Variants in PPP2R1B observed in about 807,000 individuals in gnomAD.
The protein encoded by PPP2R1B is serine/threonine-protein phosphatase 2A 65 kDa regulatory subunit A beta isoform.
In PPP2R1B, 58 loss-of-function variants were observed where a neutral mutation model predicts 72.7. The ratio of observed to expected loss-of-function variants is 0.80; its 90% CI spans 0.65 to 0.99. PPP2R1B has a LOEUF of 0.99. Among genes scored for constraint, PPP2R1B ranks in the 50% least tolerant of loss-of-function variants. The probability of loss-of-function intolerance (pLI) is 0.00; values close to 1 mark genes in which losing one functional copy is unlikely to be tolerated. For missense variants in PPP2R1B, 695 were observed against 733.6 expected (o/e 0.95, Z 0.61); for synonymous variants, 256 against 264.6 (o/e 0.97, Z 0.32).
chr11:111,722,631 T>C, downstream of PPP2R1B: 2 of 1,592,084 alleles, frequency 1.3e-6, no homozygotes, highest in Non-Finnish European at 1.7e-6. The surrounding 1 kb of genome is among the most constrained non-coding windows in gnomAD (Gnocchi z 4.4). Flanking sequence ...TGACAGCACA[T>C]TGTCACGCTC....
At position 111,739,065 on chromosome 11, in the gene PPP2R1B, C is replaced by A; in HGVS notation, c.*2531G>T. On this transcript the variant is annotated 3_prime_UTR_variant, in exon 15 of 15. Transcript: ENST00000527614. Reference sequence around the variant, plus strand: ...GGGACCAGAAAAGGGCCACATAAAGCTTGTTTCCTGAAAGCAGGAAAATCT... The same window carrying A: ...GGGACCAGAAAAGGGCCACATAAAGATTGTTTCCTGAAAGCAGGAAAATCT... The A allele has an allele frequency of 1.0e-6, 1 of 985,416 alleles. No individual in the cohort carries two copies. Among genetic ancestry groups the A allele is most frequent in the Non-Finnish European group, 1.2e-6 (1 of 829,930 alleles). 61.0% of individuals were successfully genotyped at this position (985,416 alleles called of 1,614,324 possible).
intron 15 of PPP2R1B, chr11:111,730,759 T>C (rs1240801401): frequency 1.3e-5 from 2 of 152,170 alleles, no homozygotes; most frequent in African/African-American, 4.8e-5. Flanking sequence ...CTGTACCAAA[T>C]AGTAATTTAA....
At chr11:111,700,896 T>C in the PPP2R1B span, 20 of 1,613,888 alleles carry the variant, frequency 1.2e-5, no homozygotes, top group East Asian at 2.2e-5. Context: ...ATTTCGGTTT[T>C]GGAAATTTCT....
At chr11:111,699,380 A>G in the PPP2R1B span, among the ~76,000 whole-genome samples, 3 of 152,168 alleles carry the variant, frequency 2.0e-5, no homozygotes, top group Non-Finnish European at 4.4e-5. Context: ...GTTGGTGGTA[A>G]TGGTTTCACA....
the PPP2R1B span, among the ~76,000 whole-genome samples, chr11:111,709,429 A>G: frequency 2.8e-4 from 42 of 152,352 alleles, no homozygotes; most frequent in South Asian, 7.5e-3. Context: ...GCCTATTGGA[A>G]TAGCAACGAT....
the PPP2R1B span, among the ~76,000 whole-genome samples, chr11:111,695,129 T>G: frequency 6.6e-6 from 1 of 152,218 alleles, no homozygotes; most frequent in Non-Finnish European, 1.5e-5. Flanking sequence ...ATTTGTCAGC[T>G]TTCATTTCCT....
the PPP2R1B span, among the ~76,000 whole-genome samples, chr11:111,692,608 G>A: frequency 3.3e-5 from 5 of 152,166 alleles, no homozygotes; most frequent in East Asian, 9.6e-4. Flanking sequence ...GGATTCCAAT[G>A]TCTTTAAAGA....
chr11:111,762,893 C>T (rs1555051796), intron 3 of PPP2R1B, among the ~76,000 whole-genome samples: 1 of 152,100 alleles, frequency 6.6e-6, no homozygotes, highest in Non-Finnish European at 1.5e-5. Flanking sequence ...CTCTGAAACT[C>T]ATTTTTTCAA....
intron 5 of PPP2R1B, 134 bp from the exon 6 acceptor site, chr11:111,755,584 C>A: frequency 6.7e-5 from 42 of 623,786 alleles, no homozygotes; most frequent in Middle Eastern, 4.4e-4. Context: ...GTCTTGACAT[C>A]TTTTTCTTTT....
At chr11:111,744,233 G>A (rs1157919623) in intron 11 of PPP2R1B, among the ~76,000 whole-genome samples, 1 of 152,200 alleles carries the variant, frequency 6.6e-6, no homozygotes, top group Non-Finnish European at 1.5e-5. Context: ...GACCAATGTG[G>A]AATTTTAGCA....
chr11:111,707,572 T>A, the PPP2R1B span, among the ~76,000 whole-genome samples: 1 of 152,216 alleles, frequency 6.6e-6, no homozygotes, highest in Non-Finnish European at 1.5e-5. Context: ...GCCTTCTGGA[T>A]GCTGAGCAAC....
chr11:111,694,578 T>C, the PPP2R1B span, among the ~76,000 whole-genome samples: 1 of 152,150 alleles, frequency 6.6e-6, no homozygotes, highest in Non-Finnish European at 1.5e-5. Flanking sequence ...GAGGCAAAGA[T>C]AGGAAAAATA....
In PPP2R1B at chr11:111,738,307, T is replaced by TTTTAC. The variant is rs1313738803; in HGVS notation, c.*3288_*3289insGTAAA. The TTTTAC allele has an allele frequency of 1.0e-6, 1 of 985,320 alleles. No homozygotes were observed. Among genetic ancestry groups the TTTTAC allele is most frequent in the Admixed American group, 6.2e-5 (1 of 16,258 alleles). The allele number at this position is 985,320 out of a possible 1,614,324, so 61.0% of individuals were successfully genotyped here. A position where few individuals can be genotyped will look rare whatever the true frequency, so the allele number is the denominator to read the frequency against. ...TCACCATTTTTAAAAGTCAGAGGAA[T>TTTTAC]TTAAGTAAAAGGCAAGAGGACAGAA... On this transcript the variant is annotated 3_prime_UTR_variant, in exon 15 of 15. Coordinates refer to ENST00000527614, the MANE Select transcript of PPP2R1B (RefSeq NM_002716.5).
chr11:111,726,802 G>C (rs942543604), downstream of PPP2R1B: 12 of 632,258 alleles, frequency 1.9e-5, no homozygotes, highest in Admixed American at 3.3e-4. Flanking sequence ...ATTCACGTTA[G>C]CAGTGTGTAC....
chr11:111,712,218 C>A, the PPP2R1B span: 2 of 1,614,166 alleles, frequency 1.2e-6, no homozygotes, highest in Non-Finnish European at 1.7e-6. Context: ...CAGGCACAGA[C>A]TGTGGGGCTC....
At chr11:111,688,280 C>A in the PPP2R1B span, 1 of 959,766 alleles carries the variant, frequency 1.0e-6, no homozygotes, top group Non-Finnish European at 1.6e-6. The surrounding 1 kb of genome is among the most constrained non-coding windows in gnomAD (Gnocchi z 4.2). Flanking sequence ...ATCAGGCTAT[C>A]TCAAAGTCCA....
chr11:111,714,709 G>A, the PPP2R1B span, among the ~76,000 whole-genome samples: 4 of 152,156 alleles, frequency 2.6e-5, no homozygotes, highest in East Asian at 1.9e-4. Flanking sequence ...CAAGAAGGCC[G>A]ACCATGAGTT....
chr11:111,746,462 T>A (rs540447461), intron 11 of PPP2R1B, among the ~76,000 whole-genome samples: 4 of 152,200 alleles, frequency 2.6e-5, no homozygotes, highest in Admixed American at 6.5e-5. Context: ...CATCACACAC[T>A]GAGGCCTATC....
At chr11:111,732,082 G>A (rs772262876) in intron 15 of PPP2R1B, among the ~76,000 whole-genome samples, 2 of 152,192 alleles carry the variant, frequency 1.3e-5, no homozygotes, top group African/African-American at 2.4e-5. Flanking sequence ...CCCAAACCCA[G>A]GGCCTCTGCC....
Sources: allele counts gnomAD v4.1 joint callset (sites outside exome capture counted in the v4.1 genomes callset), GRCh38; gene constraint gnomAD v4.1.1; non-coding constraint Gnocchi (gnomAD v3.1); transcripts MANE v1.5; gene names NCBI Gene and HGNC (gene_info 2026-07-23, HGNC 2026-07-21).